SMG6: variants seen among roughly 807,000 people sequenced by gnomAD.
The protein encoded by SMG6 is telomerase-binding protein EST1A.
SMG6 carries 66 observed loss-of-function variants against 142.2 expected under a neutral mutation model. The ratio of observed to expected loss-of-function variants is 0.46; its 90% CI spans 0.38 to 0.57. The LOEUF (loss-of-function observed/expected upper bound fraction) is 0.57. SMG6 is among the 20% of genes least tolerant of loss of function. The probability of loss-of-function intolerance (pLI) is 0.00; values close to 1 mark genes in which losing one functional copy is unlikely to be tolerated. For missense variants in SMG6, 1,793 were observed against 1,832.0 expected (o/e 0.98, Z 0.39); for synonymous variants, 779 against 702.4 (o/e 1.11, Z -1.72).
At chr17:2,191,650 G>A (rs1258471928) in intron 10 of SMG6, among the ~76,000 whole-genome samples, 2 of 152,194 alleles carry the variant, frequency 1.3e-5, no homozygotes, top group African/African-American at 4.8e-5. Flanking sequence ...TAATAAGAAA[G>A]TCACCTGAGG....
At chr17:2,220,229 C>T (rs1371106598) in intron 10 of SMG6, among the ~76,000 whole-genome samples, 2 of 152,122 alleles carry the variant, frequency 1.3e-5, no homozygotes, top group African/African-American at 2.4e-5. Context: ...ACATGAAACG[C>T]AGACAAAAAT....
chr17:2,080,792 T>G (rs1462628097), intron 15 of SMG6, among the ~76,000 whole-genome samples: 3 of 152,082 alleles, frequency 2.0e-5, no homozygotes, highest in Admixed American at 6.6e-5. Flanking sequence ...TGCACCACCA[T>G]GCCCAGCTAA....
intron 15 of SMG6, among the ~76,000 whole-genome samples, chr17:2,080,687 G>A (rs926755019): frequency 1.3e-5 from 2 of 151,556 alleles, no homozygotes; most frequent in Non-Finnish European, 2.9e-5. Context: ...CCAGGCTGGA[G>A]TGCAATGGTG....
intron 13 of SMG6, among the ~76,000 whole-genome samples, chr17:2,092,042 C>T (rs752629419): frequency 6.6e-6 from 1 of 151,048 alleles, no homozygotes; most frequent in Admixed American, 6.6e-5. Flanking sequence ...TGGAGTTGCA[C>T]TGGCATGATC....
chr17:2,186,926 G>C, intron 11 of SMG6, 95 bp from the exon 12 acceptor site: 3 of 1,349,208 alleles, frequency 2.2e-6, no homozygotes, highest in East Asian at 2.5e-5. Flanking sequence ...TTAGGGAAGG[G>C]AGACCAAGTC....
At chr17:2,236,388 TG>T in intron 10 of SMG6, 103 bp downstream of exon 10, 2 of 1,035,414 alleles carry the variant, frequency 1.9e-6, no homozygotes, top group Non-Finnish European at 2.7e-6. Flanking sequence ...TGTTCGGGGG[TG>T]GGGTGGGGGG....
chr17:2,216,428 C>T (rs1327874222), intron 10 of SMG6, among the ~76,000 whole-genome samples: 1 of 152,088 alleles, frequency 6.6e-6, no homozygotes, highest in African/African-American at 2.4e-5. Context: ...GTAACATTAC[C>T]ATCTCAAAGG....
At chr17:2,147,976 G>T (rs1248664857) in intron 13 of SMG6, among the ~76,000 whole-genome samples, 1 of 152,134 alleles carries the variant, frequency 6.6e-6, no homozygotes, top group African/African-American at 2.4e-5. Context: ...GATCGCTTGA[G>T]CTCAGGAGTT....
chr17:2,078,461 T>C (rs984375152), intron 15 of SMG6, among the ~76,000 whole-genome samples: 10 of 151,476 alleles, frequency 6.6e-5, no homozygotes, highest in African/African-American at 2.4e-4. Flanking sequence ...AACCTCCACC[T>C]TCTGGGTTGA....
rs138914359 is a variant in SMG6, at chr17:2,226,492, T to C, written c.2869+10000A>G. Among the ~76,000 whole-genome samples the C allele has an allele frequency of 9.9e-3, 1,503 of 151,132 alleles. 28 individuals carry two copies. The highest frequency in any genetic ancestry group is 0.034 in the African/African-American group (1,414 of 41,014). ...TACTTGGGAGACTGAGGCAGGAGAA[T>C]TGCATGAACCCGGGAGGTGGAGGTT... On this transcript the variant is annotated intron_variant, in intron 10 of 18. Transcript: ENST00000263073.
At chr17:2,141,792 G>C (rs1323879457) in intron 13 of SMG6, among the ~76,000 whole-genome samples, 1 of 152,124 alleles carries the variant, frequency 6.6e-6, no homozygotes, top group East Asian at 1.9e-4. Context: ...TAAATTCTGG[G>C]GAAGCATCTG....
At chr17:2,246,250 C>T (rs557267683) in intron 8 of SMG6, among the ~76,000 whole-genome samples, 1 of 152,320 alleles carries the variant, frequency 6.6e-6, no homozygotes, top group African/African-American at 2.4e-5. Flanking sequence ...GTCATCTTCC[C>T]TGGTCTCCTA....
At chr17:2,161,454 C>A (rs576685533) in intron 13 of SMG6, among the ~76,000 whole-genome samples, 1 of 151,548 alleles carries the variant, frequency 6.6e-6, no homozygotes, top group South Asian at 2.1e-4. Flanking sequence ...CACTGTCACC[C>A]GGGCTGGAGT....
At chr17:2,188,373 C>A in intron 11 of SMG6, 26 bp downstream of exon 11, 1 of 1,603,322 alleles carries the variant, frequency 6.2e-7, no homozygotes, top group East Asian at 2.2e-5. Context: ...GGAAAGCCCA[C>A]CAGGCTGGGG....
At chr17:2,275,029 G>A (rs957028058) in intron 8 of SMG6, among the ~76,000 whole-genome samples, 10 of 151,004 alleles carry the variant, frequency 6.6e-5, no homozygotes, top group East Asian at 1.9e-4. Context: ...AAAAATAGGC[G>A]TGAGCATAAA....
intron 15 of SMG6, chr17:2,072,764 G>A (rs960570739): frequency 1.3e-5 from 2 of 152,214 alleles, no homozygotes; most frequent in African/African-American, 4.8e-5. Flanking sequence ...CCCATAGGGA[G>A]TGCGGCTGCT....
intron 13 of SMG6, 146 bp from the exon 14 acceptor site, chr17:2,086,047 G>A: frequency 2.5e-6 from 2 of 787,830 alleles, no homozygotes; most frequent in East Asian, 2.5e-5. Flanking sequence ...GGTGCGGAGG[G>A]CACAAGGGCA....
intron 12 of SMG6, among the ~76,000 whole-genome samples, chr17:2,175,992 A>G (rs1280664277): frequency 6.6e-6 from 1 of 152,190 alleles, no homozygotes; most frequent in Non-Finnish European, 1.5e-5. Context: ...CCCATGGGCG[A>G]CACAGTGACT....
At chr17:2,236,691 TCA>T in intron 9 of SMG6, 54 bp from the exon 10 acceptor site, 1 of 1,540,226 alleles carries the variant, frequency 6.5e-7, no homozygotes, top group African/African-American at 1.5e-5. Flanking sequence ...AGTCTCTCTC[TCA>T]CTCTGTCTCA....
Sources: allele counts gnomAD v4.1 joint callset (sites outside exome capture counted in the v4.1 genomes callset), GRCh38; gene constraint gnomAD v4.1.1; transcripts MANE v1.5; gene names NCBI Gene and HGNC (gene_info 2026-07-23, HGNC 2026-07-21).